Variants in ATXN7 observed in about 807,000 individuals in gnomAD.
ATXN7 encodes ataxin 7, also known as ataxin-7.
A neutral mutation model predicts 70.5 loss-of-function variants in ATXN7; 12 were observed. That is an observed-to-expected ratio of 0.17 (90% confidence interval 0.11 to 0.28). ATXN7 has a LOEUF of 0.28. ATXN7 is among the 10% of genes least tolerant of loss of function. The pLI, the probability that ATXN7 is intolerant of heterozygous loss-of-function variation, is 1.00. For missense variants in ATXN7, 1,256 were observed against 1,131.7 expected (o/e 1.11, Z -1.58); for synonymous variants, 498 against 448.7 (o/e 1.11, Z -1.39).
intron 4 of ATXN7, among the ~76,000 whole-genome samples, chr3:63,928,155 G>C (rs1704789890): frequency 6.6e-6 from 1 of 152,140 alleles, no homozygotes; most frequent in Non-Finnish European, 1.5e-5. Flanking sequence ...GCTACTGAAG[G>C]CTGAGCGCAG....
chr3:63,952,216 G>A (rs1171978299), intron 4 of ATXN7, among the ~76,000 whole-genome samples, 163 bp from the exon 5 acceptor site: 3 of 152,170 alleles, frequency 2.0e-5, no homozygotes, highest in Non-Finnish European at 2.9e-5. Context: ...GTGTCTGTAA[G>A]CCTGATTTGA....
Position 63,995,759 on chromosome 3 carries a change from T to C in ATXN7, c.1937T>C (p.Val646Ala). ...GTGTGCAGTATGCAATCCAGACAAGTGTCCTCTTCATCCTCATCCCCTTCC... is the reference window on the plus strand; with the variant it reads ...GTGTGCAGTATGCAATCCAGACAAGCGTCCTCTTCATCCTCATCCCCTTCC... ...DPVCSMQSRQ[V>A]SSSSSSPSTP... Residue 646 changes from valine to alanine, a missense_variant, in exon 12 of 13, where the codon GTG (valine) becomes GCG (alanine). Coordinates refer to ENST00000674280, the MANE Select transcript of ATXN7 (RefSeq NM_001377405.1). 5.6e-6 allele frequency: 9 copies of C among 1,614,194 alleles called. No individual in the cohort carries two copies. Among genetic ancestry groups the C allele is most frequent in the Admixed American group, 1.7e-5 (1 of 60,028 alleles).
At chr3:63,889,538 C>T (rs1476581956) in intron 1 of ATXN7, among the ~76,000 whole-genome samples, 1 of 152,088 alleles carries the variant, frequency 6.6e-6, no homozygotes, top group African/African-American at 2.4e-5. Flanking sequence ...TAGAAATAGC[C>T]TCAGAAAAAT....
chr3:63,995,126 T>G (rs940302938), intron 11 of ATXN7, among the ~76,000 whole-genome samples: 33 of 152,150 alleles, frequency 2.2e-4, no homozygotes, highest in Non-Finnish European at 2.8e-4. Flanking sequence ...GATGACTCTC[T>G]CTGCAGAGGA....
chr3:63,882,242 C>T (rs915950848), intron 1 of ATXN7, among the ~76,000 whole-genome samples: 4 of 152,136 alleles, frequency 2.6e-5, no homozygotes, highest in African/African-American at 9.7e-5. Flanking sequence ...GCCTGTTTCT[C>T]ATCTGGAAAT....
intron 4 of ATXN7, among the ~76,000 whole-genome samples, chr3:63,947,965 C>G (rs995957751): frequency 4.6e-5 from 7 of 152,122 alleles, no homozygotes; most frequent in African/African-American, 1.2e-4. Context: ...CTGGCAGGAC[C>G]TTGGGAGCCA....
At chr3:63,884,755 G>A (rs563382820) in intron 1 of ATXN7, among the ~76,000 whole-genome samples, 1 of 151,880 alleles carries the variant, frequency 6.6e-6, no homozygotes, top group Admixed American at 6.6e-5. Context: ...GCTCAAGGGT[G>A]TCTTCCCACC....
chr3:63,935,756 G>GT lies in ATXN7; in HGVS notation c.395-16613dup, dbSNP rs978889264. The stretch of plus-strand genomic sequence containing the variant: ...TTCACATGATGATATTAGTACCAAC[G>GT]TTTTTTTTTTCAATAGTCACTGTTT... On this transcript the variant is annotated intron_variant, in intron 4 of 12. Coordinates refer to ENST00000674280, the MANE Select transcript of ATXN7 (RefSeq NM_001377405.1). 4.3e-4 allele frequency among the ~76,000 whole-genome samples: 64 copies of GT among 147,814 alleles called. 2 individuals are homozygous for GT. The highest frequency in any genetic ancestry group is 3.2e-3 in the East Asian group (16 of 5,050).
intron 4 of ATXN7, among the ~76,000 whole-genome samples, chr3:63,948,491 G>C (rs2074902587): frequency 6.6e-6 from 1 of 152,128 alleles, no homozygotes; most frequent in Admixed American, 6.5e-5. Flanking sequence ...ATAGAAACTT[G>C]TGAGTGGCAT....
chr3:63,883,092 C>G (rs1702966358), intron 1 of ATXN7, among the ~76,000 whole-genome samples: 1 of 152,160 alleles, frequency 6.6e-6, no homozygotes, highest in Non-Finnish European at 1.5e-5. Flanking sequence ...CTTGGCTTAC[C>G]TTCCATCAAC....
intron 5 of ATXN7, among the ~76,000 whole-genome samples, chr3:63,973,938 A>G (rs748883820): frequency 1.3e-5 from 2 of 152,188 alleles, no homozygotes; most frequent in Non-Finnish European, 2.9e-5. Flanking sequence ...AAGGGTAAGT[A>G]TATATAAAAA....
chr3:63,916,261 G>A (rs905643797), intron 4 of ATXN7, among the ~76,000 whole-genome samples: 2 of 152,122 alleles, frequency 1.3e-5, no homozygotes, highest in Admixed American at 6.5e-5. Context: ...TTGATAACCT[G>A]ACTTCTTAAT....
intron 4 of ATXN7, among the ~76,000 whole-genome samples, chr3:63,917,947 T>C (rs1466824596): frequency 6.6e-6 from 1 of 152,232 alleles, no homozygotes; most frequent in Non-Finnish European, 1.5e-5. Context: ...TCAGCACTTT[T>C]CGTTGCTCTG....
chr3:63,996,781 T>A (rs183521462), intron 12 of ATXN7: 2 of 408,728 alleles, frequency 4.9e-6, no homozygotes, highest in East Asian at 4.2e-5. Flanking sequence ...AGCAAAATCA[T>A]AATTGGAGGG....
At chr3:63,901,117 C>T (rs1198058499) in intron 2 of ATXN7, 1 of 152,132 alleles carries the variant, frequency 6.6e-6, no homozygotes, top group Non-Finnish European at 1.5e-5. Flanking sequence ...TTGGCACTTA[C>T]CTTTTTTTCT....
intron 1 of ATXN7, among the ~76,000 whole-genome samples, chr3:63,881,705 G>T (rs1016584435): frequency 1.6e-4 from 25 of 152,122 alleles, no homozygotes; most frequent in African/African-American, 5.8e-4. Context: ...GGTCGGGCTG[G>T]TCTTGAACTC....
chr3:63,917,195 CAGGTATG>C (rs1164513203), intron 4 of ATXN7, among the ~76,000 whole-genome samples: 1 of 152,118 alleles, frequency 6.6e-6, no homozygotes, highest in Non-Finnish European at 1.5e-5. Flanking sequence ...GTTGGGATGA[CAGGTATG>C]AGCCACTGCA....
intron 1 of ATXN7, among the ~76,000 whole-genome samples, chr3:63,886,206 C>T (rs776991447): frequency 5.9e-5 from 9 of 152,018 alleles, no homozygotes; most frequent in Admixed American, 2.0e-4. Flanking sequence ...AACATTGAAC[C>T]ACAGAAGCAG....
intron 4 of ATXN7, among the ~76,000 whole-genome samples, chr3:63,936,073 C>T (rs752634132): frequency 6.6e-6 from 1 of 152,218 alleles, no homozygotes; most frequent in East Asian, 1.9e-4. Flanking sequence ...AGATGTAAGT[C>T]CCATGAGGGC....
Sources: gnomAD v4.1 joint callset for allele counts (sites outside exome capture counted in the v4.1 genomes callset) on GRCh38, gnomAD v4.1.1 for gene constraint, MANE v1.5 for transcripts, NCBI Gene and HGNC (gene_info 2026-07-23, HGNC 2026-07-21) for gene names.